The following PLCE1 variants were observed in gnomAD, a reference collection of about 807,000 sequenced individuals.
PLCE1 encodes 1-phosphatidylinositol 4,5-bisphosphate phosphodiesterase epsilon-1.
PLCE1 carries 119 observed loss-of-function variants against 242.8 expected under a neutral mutation model. That is an observed-to-expected ratio of 0.49 (90% CI 0.42 to 0.57). The LOEUF (loss-of-function observed/expected upper bound fraction) is 0.57, where lower values mean the gene tolerates loss of function less well. Among genes scored for constraint, PLCE1 ranks in the 20% least tolerant of loss-of-function variants. PLCE1 has a pLI of 0.00. For missense variants in PLCE1, 2,441 were observed against 2,788.8 expected (o/e 0.88, Z 2.81); for synonymous variants, 945 against 1,017.4 (o/e 0.93, Z 1.35).
At chr10:94,238,172 G>C (rs1188660461) in intron 7 of PLCE1, among the ~76,000 whole-genome samples, 2 of 152,188 alleles carry the variant, frequency 1.3e-5, no homozygotes, top group Non-Finnish European at 2.9e-5. Flanking sequence ...TGTAATCCCA[G>C]CCCTTTGGGA....
chr10:94,015,573 A>C (rs1382908407), intron 1 of PLCE1, among the ~76,000 whole-genome samples: 1 of 152,160 alleles, frequency 6.6e-6, no homozygotes, highest in Non-Finnish European at 1.5e-5. Context: ...TTTAAAGACT[A>C]TTCTGGATGT....
rs141047211 is a variant in PLCE1, at chr10:94,267,455, AT to A, written c.4282-1471del. ...TGTGCAGGTGGATCCCTCTTACTTC[AT>A]TTCTAACCCCTCTCCACTCTTCCTT... On this transcript the variant is annotated intron_variant, in intron 16 of 32. Coordinates refer to ENST00000371380, the MANE Select transcript of PLCE1 (RefSeq NM_016341.4). Among the ~76,000 whole-genome samples the A allele has an allele frequency of 9.1e-3, 1,389 of 152,174 alleles. 24 individuals carry two copies. The highest frequency in any genetic ancestry group is 0.03 in the African/African-American group (1,254 of 41,502).
rs11592734 is a variant in PLCE1 at position 94,278,473 on chromosome 10, A to C, written c.4666-1309A>C. 8.8e-3 allele frequency among the ~76,000 whole-genome samples: 1,342 copies of C among 152,282 alleles called. 8 individuals are homozygous for C. Among genetic ancestry groups the C allele is most frequent in the Non-Finnish European group, 0.014 (924 of 68,008 alleles). ...CAAGAATTATTTATGCTCAATTTAT[A>C]TTTTCAAAAATGTTAATTAACTTAC... On this transcript the variant is annotated intron_variant, in intron 19 of 32. Coordinates refer to ENST00000371380, the MANE Select transcript of PLCE1 (RefSeq NM_016341.4).
At chr10:94,251,516 A>G (rs1308060431) in intron 8 of PLCE1, among the ~76,000 whole-genome samples, 1 of 152,256 alleles carries the variant, frequency 6.6e-6, no homozygotes, top group African/African-American at 2.4e-5. Flanking sequence ...TATACAGTGT[A>G]TGAAATATCA....
At chr10:94,165,290 T>TC (rs1264055169) in intron 3 of PLCE1, among the ~76,000 whole-genome samples, 1 of 152,202 alleles carries the variant, frequency 6.6e-6, no homozygotes, top group Non-Finnish European at 1.5e-5. Context: ...AGTTCGAGCT[T>TC]CCCGGCTGCT....
At chr10:94,317,983 C>G (rs2053635890) in intron 29 of PLCE1, among the ~76,000 whole-genome samples, 1 of 152,170 alleles carries the variant, frequency 6.6e-6, no homozygotes, top group Non-Finnish European at 1.5e-5. Context: ...CCCATGCTTG[C>G]TAGGGCACAG....
chr10:94,227,439 T>G lies in PLCE1; in HGVS notation c.1943T>G (p.Leu648Trp). The G allele has an allele frequency of 6.2e-7, 1 of 1,614,114 alleles. No individual in the cohort carries two copies. Among genetic ancestry groups the G allele is most frequent in the Non-Finnish European group, 8.5e-7 (1 of 1,179,938 alleles). Reference protein sequence around the residue: ...MGNYNAVMEFLAGLRSRKVLK... With the variant: ...MGNYNAVMEFWAGLRSRKVLK... Reference sequence around the variant, plus strand: ...AACTACAACGCTGTCATGGAGTTCTTGGCTGGCCTCAGGTATAGTCAGTGG... The same window carrying G: ...AACTACAACGCTGTCATGGAGTTCTGGGCTGGCCTCAGGTATAGTCAGTGG... Residue 648 changes from leucine (L) to tryptophan (W), a missense_variant, in exon 5 of 33, where the codon TTG becomes TGG. Leu to Trp is a moderately conservative substitution (Grantham distance 61). Transcript: ENST00000371380.
intron 28 of PLCE1, among the ~76,000 whole-genome samples, chr10:94,314,523 G>A (rs2053503415): frequency 6.6e-6 from 1 of 152,158 alleles, no homozygotes; most frequent in African/African-American, 2.4e-5. Flanking sequence ...GAACCCAGGA[G>A]GCAGAGGTTG....
In PLCE1 at chr10:94,132,481, T is replaced by G; in HGVS notation, c.1492+22T>G. ...AAAGGTAATGCCTGAAATTTCACTTTTAACTTTCTATCTTTGACTACAGAG... is the reference window on the plus strand; with the variant it reads ...AAAGGTAATGCCTGAAATTTCACTTGTAACTTTCTATCTTTGACTACAGAG... On this transcript the variant is annotated intron_variant, in intron 3 of 32. Transcript: ENST00000371380. The G allele has an allele frequency of 2.5e-6, 4 of 1,608,822 alleles. No individual in the cohort carries two copies. In the East Asian group the frequency reaches 8.9e-5, roughly 36 times the overall value.
chr10:94,235,744 A>T (rs1270161986), intron 6 of PLCE1, 171 bp from the exon 7 acceptor site: 7 of 983,058 alleles, frequency 7.1e-6, no homozygotes, highest in Non-Finnish European at 8.5e-6. Context: ...GTGAGTTTTG[A>T]TATTTCATGT....
In PLCE1 at chr10:94,031,022, G is replaced by A. The variant is rs750940455; in HGVS notation, c.-25G>A. 5.6e-5 allele frequency: 91 copies of A among 1,612,716 alleles called. No individual in the cohort carries two copies. The Middle Eastern group carries it at 6.6e-4, about 12-fold the overall frequency. On this transcript the variant is annotated 5_prime_UTR_variant, in exon 2 of 33. Coordinates refer to ENST00000371380, the MANE Select transcript of PLCE1 (RefSeq NM_016341.4). ...ACCAGGGAGGAAAAATAGAGCAATA[G>A]TCAAAACCTGTGTGTTAGTCCAAGA...
chr10:94,089,501 A>C (rs761397276), intron 2 of PLCE1: 2 of 635,460 alleles, frequency 3.1e-6, no homozygotes, highest in Admixed American at 3.6e-5. Context: ...GACATTTTAC[A>C]AAGAAGATCA....
intron 1 of PLCE1, among the ~76,000 whole-genome samples, chr10:94,007,251 C>G (rs1050419517): frequency 2.0e-5 from 3 of 151,698 alleles, no homozygotes; most frequent in Non-Finnish European, 4.4e-5. Context: ...AGGACTGTAG[C>G]TCCAAGGAAA....
At chr10:94,256,323 CAAA>C (rs1316929334) in intron 11 of PLCE1, among the ~76,000 whole-genome samples, 3 of 56,256 alleles carry the variant, frequency 5.3e-5, no homozygotes, top group Non-Finnish European at 1.1e-4. Flanking sequence ...GAGCTTGTCT[CAAA>C]AAAAAAAAAA....
intron 23 of PLCE1, among the ~76,000 whole-genome samples, chr10:94,294,113 AT>A (rs1237340810): frequency 2.6e-5 from 4 of 152,304 alleles, no homozygotes; most frequent in African/African-American, 7.2e-5. Context: ...TCTCAAAAAA[AT>A]ATTAAAAAAT....
At chr10:94,011,107 G>A (rs2134267861) in intron 1 of PLCE1, among the ~76,000 whole-genome samples, 1 of 152,242 alleles carries the variant, frequency 6.6e-6, no homozygotes, top group African/African-American at 2.4e-5. Flanking sequence ...AAGAAAAGAG[G>A]TTTAGTTGGC....
chr10:94,030,818 C>T lies in PLCE1; in HGVS notation c.-229C>T, dbSNP rs1030812715. ...AACAGAGGAAGGAAAATTGATCTAC[C>T]ACCTTAAAACCCTGATCTAGAAAAA... On this transcript the variant is annotated 5_prime_UTR_variant, in exon 2 of 33. Coordinates refer to ENST00000371380, the MANE Select transcript of PLCE1 (RefSeq NM_016341.4). 14 of 539,000 alleles carry T rather than the reference C, an allele frequency of 2.6e-5. No individual in the cohort carries two copies. Among genetic ancestry groups the T allele is most frequent in the African/African-American group, 3.8e-5 (2 of 52,572 alleles). The allele number at this position is 539,000 out of a possible 1,614,324, so 33.4% of individuals were successfully genotyped here.
chr10:94,167,222 C>T (rs760715861), intron 3 of PLCE1, among the ~76,000 whole-genome samples: 11 of 152,124 alleles, frequency 7.2e-5, no homozygotes, highest in East Asian at 3.9e-4. Flanking sequence ...ACCCGGGAGG[C>T]GGCGGTTCGT....
At position 94,259,127 on chromosome 10, in the gene PLCE1, C is replaced by A. The variant is rs1241012234; in HGVS notation, c.3791C>A (p.Thr1264Asn). ...LYTNLTIDEN[T>N]SDLQPDLDLL... is the part of the protein sequence containing the mutation. ...ACCAACCTGACAATTGATGAAAACA[C>A]CAGCGATCTTCAGCCTGACCTAGGT... The change falls in exon 13 of 33, where the codon ACC becomes AAC. Residue 1264 changes from threonine to asparagine, a missense_variant. Physicochemically the swap from Thr to Asn is moderately conservative, Grantham distance 65 (BLOSUM62 0). Around this residue, in one of 5 missense-constraint regions of PLCE1, gnomAD observed 1,004 missense variants for 1,322.7 expected, o/e 0.76. Coordinates refer to ENST00000371380, the MANE Select transcript of PLCE1 (RefSeq NM_016341.4). 3 of 1,614,066 alleles carry A rather than the reference C, an allele frequency of 1.9e-6. No homozygotes were observed. The highest frequency in any genetic ancestry group is 1.3e-5 in the African/African-American group (1 of 75,024).
Sources: allele counts gnomAD v4.1 joint callset (sites outside exome capture counted in the v4.1 genomes callset), GRCh38; gene constraint gnomAD v4.1.1; regional missense constraint gnomAD v4.1.1; transcripts MANE v1.5; gene names NCBI Gene and HGNC (gene_info 2026-07-23, HGNC 2026-07-21).